Variants in NTM observed in about 807,000 individuals in gnomAD.
The protein encoded by NTM is IgLON family member 2.
Under a neutral mutation model 42.1 loss-of-function variants are expected in NTM, and 13 were observed. That is an observed-to-expected ratio of 0.31 (90% CI 0.20 to 0.49). The LOEUF (loss-of-function observed/expected upper bound fraction) is 0.49, where lower values mean the gene tolerates loss of function less well. Ranked by LOEUF, NTM falls within the 20% of genes least tolerant of loss-of-function variation. The pLI is 0.99. For synonymous variants in NTM, 187 were observed against 179.2 expected (o/e 1.04, Z -0.35); for missense variants, 373 against 452.8 (o/e 0.82, Z 1.60).
At chr11:132,098,569 C>A (rs2061295508) in intron 2 of NTM, among the ~76,000 whole-genome samples, 1 of 152,216 alleles carries the variant, frequency 6.6e-6, no homozygotes, top group Non-Finnish European at 1.5e-5. Flanking sequence ...GTGTCCCTGT[C>A]CCGATCTAAT....
chr11:131,492,890 G>A (rs145661092), intron 1 of NTM, among the ~76,000 whole-genome samples: 148 of 152,178 alleles, frequency 9.7e-4, no homozygotes, highest in African/African-American at 2.9e-3. Flanking sequence ...CTCTTGTCTA[G>A]GAATAACAAA....
At chr11:132,041,415 A>G (rs113347100) in intron 2 of NTM, among the ~76,000 whole-genome samples, 40 of 152,320 alleles carry the variant, frequency 2.6e-4, no homozygotes, top group African/African-American at 8.4e-4. Flanking sequence ...GACTCACTCT[A>G]ACATGCTGAT....
chr11:132,104,938 T>C (rs1251219729), intron 2 of NTM, among the ~76,000 whole-genome samples: 1 of 4,086 alleles, frequency 2.4e-4, no homozygotes, highest in Non-Finnish European at 5.0e-4. Flanking sequence ...TATACATATG[T>C]ATATATATAT....
At chr11:132,013,405 G>T (rs1338750591) in intron 2 of NTM, among the ~76,000 whole-genome samples, 1 of 152,140 alleles carries the variant, frequency 6.6e-6, no homozygotes, top group Non-Finnish European at 1.5e-5. Flanking sequence ...GACTGGAGTT[G>T]GTTGTGAAGG....
chr11:131,735,523 G>A (rs2080301589), intron 1 of NTM, among the ~76,000 whole-genome samples: 1 of 152,224 alleles, frequency 6.6e-6, no homozygotes, highest in Non-Finnish European at 1.5e-5. Flanking sequence ...TGTATTGTCT[G>A]AAACAAAATC....
chr11:131,637,194 T>C (rs886764201), intron 1 of NTM, among the ~76,000 whole-genome samples: 1 of 152,028 alleles, frequency 6.6e-6, no homozygotes, highest in Non-Finnish European at 1.5e-5. Context: ...AAGTCTGCGA[T>C]GCATAGCCAG....
rs534099140 is a variant in NTM, at chr11:132,249,059, C to A, written c.526+36912C>A. ...GGAACATGCTCCACACACTTCCTGT[C>A]TCTGTGACAGTTCAGTTCCATGACT... is the stretch of plus-strand genomic sequence containing the variant. On this transcript the variant is annotated intron_variant, in intron 4 of 8. Coordinates refer to ENST00000683400, the MANE Select transcript of NTM (RefSeq NM_001352005.2). 2.6e-5 allele frequency among the ~76,000 whole-genome samples: 4 copies of A among 152,310 alleles called. No individual in the cohort carries two copies. The South Asian group carries it at 8.3e-4, about 32-fold the overall frequency.
chr11:131,515,349 G>A (rs1004962111), intron 1 of NTM, among the ~76,000 whole-genome samples: 5 of 152,148 alleles, frequency 3.3e-5, no homozygotes, highest in African/African-American at 1.2e-4. Flanking sequence ...TGGGGAAATC[G>A]TGGCATTAGA....
intron 1 of NTM, among the ~76,000 whole-genome samples, chr11:131,378,766 T>C (rs1437258161): frequency 3.3e-5 from 5 of 152,156 alleles, no homozygotes; most frequent in Non-Finnish European, 7.4e-5. Flanking sequence ...AGAAGCTCCA[T>C]CCTTAGATGT....
At chr11:131,557,044 G>A (rs1421808694) in intron 1 of NTM, among the ~76,000 whole-genome samples, 1 of 151,846 alleles carries the variant, frequency 6.6e-6, no homozygotes, top group African/African-American at 2.4e-5. Flanking sequence ...GGAATTTCAG[G>A]TGATTTGTAA....
intron 1 of NTM, among the ~76,000 whole-genome samples, chr11:131,487,477 G>T (rs888323290): frequency 6.6e-6 from 1 of 152,138 alleles, no homozygotes; most frequent in Non-Finnish European, 1.5e-5. Context: ...ACCCCCAATT[G>T]AAATCCAGTA....
intron 1 of NTM, among the ~76,000 whole-genome samples, chr11:131,496,294 C>A (rs112142771): frequency 6.6e-6 from 1 of 152,224 alleles, no homozygotes; most frequent in African/African-American, 2.4e-5. Flanking sequence ...CAAGGTCCTG[C>A]GGACAGTCAG....
intron 2 of NTM, among the ~76,000 whole-genome samples, chr11:132,113,354 A>G (rs2063478057): frequency 6.6e-6 from 1 of 152,216 alleles, no homozygotes; most frequent in Non-Finnish European, 1.5e-5. Flanking sequence ...TCATCCAGAG[A>G]TCACAAAGAG....
At position 132,129,514 on chromosome 11, in the gene NTM, G is replaced by A. The variant is rs143570836; in HGVS notation, c.168-16768G>A. On this transcript the variant is annotated intron_variant, in intron 2 of 8. Coordinates refer to ENST00000683400, the MANE Select transcript of NTM (RefSeq NM_001352005.2). ...CATTCCCATTCTGGCTTTGAAGACA[G>A]GAGAAATGTATTTTAAGACAGAATT... is the stretch of plus-strand genomic sequence containing the variant. Among the ~76,000 whole-genome samples the A allele has an allele frequency of 1.6e-3, 245 of 152,260 alleles. 2 individuals carry two copies. The highest frequency in any genetic ancestry group is 5.3e-3 in the African/African-American group (219 of 41,528).
At chr11:132,265,432 C>T (rs2093120767) in intron 4 of NTM, among the ~76,000 whole-genome samples, 1 of 152,148 alleles carries the variant, frequency 6.6e-6, no homozygotes, top group Non-Finnish European at 1.5e-5. Flanking sequence ...CCAGAGGAGA[C>T]ATCAAATCTT....
intron 4 of NTM, among the ~76,000 whole-genome samples, chr11:132,289,591 A>G (rs2094384454): frequency 6.6e-6 from 1 of 152,194 alleles, no homozygotes; most frequent in Non-Finnish European, 1.5e-5. Flanking sequence ...TAATGTTACA[A>G]ATTTCTTGTG....
intron 2 of NTM, among the ~76,000 whole-genome samples, chr11:132,001,965 A>G (rs1265961423): frequency 6.6e-6 from 1 of 152,182 alleles, no homozygotes; most frequent in Non-Finnish European, 1.5e-5. Flanking sequence ...GTGGATAAGG[A>G]GAATGGGTAA....
At chr11:131,752,984 C>T (rs1237109085) in intron 1 of NTM, among the ~76,000 whole-genome samples, 2 of 152,100 alleles carry the variant, frequency 1.3e-5, no homozygotes, top group Non-Finnish European at 2.9e-5. Flanking sequence ...TTTTCTCAAC[C>T]TACCCATCTG....
intron 1 of NTM, among the ~76,000 whole-genome samples, chr11:131,632,657 G>C (rs2063768608): frequency 6.9e-6 from 1 of 145,320 alleles, no homozygotes; most frequent in South Asian, 2.2e-4. Flanking sequence ...TTTTCATCTT[G>C]GTCATGCTCG....
Sources: allele counts gnomAD v4.1 joint callset (sites outside exome capture counted in the v4.1 genomes callset), GRCh38; gene constraint gnomAD v4.1.1; transcripts MANE v1.5; gene names NCBI Gene and HGNC (gene_info 2026-07-23, HGNC 2026-07-21).